The following FAT3 variants were observed in gnomAD, a reference collection of about 807,000 sequenced individuals.
FAT3 encodes FAT atypical cadherin 3.
In FAT3, 95 loss-of-function variants were observed where a neutral mutation model predicts 310.2. The ratio of observed to expected loss-of-function variants is 0.31; its 90% CI spans 0.26 to 0.36. The LOEUF (loss-of-function observed/expected upper bound fraction) is 0.36, where lower values mean the gene tolerates loss of function less well. FAT3 is among the 10% of genes least tolerant of loss of function. The pLI is 1.00. For synonymous variants in FAT3, 2,314 were observed against 2,192.9 expected (o/e 1.06, Z -1.54); for missense variants, 5,408 against 5,715.6 (o/e 0.95, Z 1.74).
intron 2 of FAT3, among the ~76,000 whole-genome samples, chr11:92,408,510 A>G (rs934678528): frequency 3.9e-5 from 6 of 152,196 alleles, no homozygotes; most frequent in African/African-American, 1.4e-4. Flanking sequence ...CCTGGGTTGG[A>G]AGATGACACT....
chr11:92,748,646 G>A (rs1012852340), intron 4 of FAT3: 1 of 152,204 alleles, frequency 6.6e-6, no homozygotes, highest in Non-Finnish European at 1.5e-5. Context: ...GCAGAGACAT[G>A]TGTTGAAGCA....
At chr11:92,764,721 A>G (rs545439636) in intron 5 of FAT3, among the ~76,000 whole-genome samples, 158 bp from the exon 6 acceptor site, 2 of 152,190 alleles carry the variant, frequency 1.3e-5, no homozygotes, top group East Asian at 3.9e-4. Flanking sequence ...GTTCCCCTCC[A>G]TTCCCAAGTC....
At chr11:92,619,990 TC>T in intron 3 of FAT3, among the ~76,000 whole-genome samples, 1 of 152,140 alleles carries the variant, frequency 6.6e-6, no homozygotes, top group East Asian at 1.9e-4. Flanking sequence ...CTATCAGTTT[TC>T]CTCTAAGCAT....
chr11:92,874,598 G>A (rs1949481821), intron 22 of FAT3, among the ~76,000 whole-genome samples: 1 of 152,228 alleles, frequency 6.6e-6, no homozygotes. Flanking sequence ...GAAGTGCAAT[G>A]GCGTGATCTC....
chr11:92,370,806 T>C (rs188111667), intron 2 of FAT3, among the ~76,000 whole-genome samples: 1 of 152,200 alleles, frequency 6.6e-6, no homozygotes, highest in Non-Finnish European at 1.5e-5. Flanking sequence ...GTGATTATGC[T>C]AACTCAAAAT....
At chr11:92,840,801 C>G (rs931343924) in intron 18 of FAT3, 42 bp downstream of exon 18, 1 of 1,475,554 alleles carries the variant, frequency 6.8e-7, no homozygotes, top group Non-Finnish European at 9.1e-7. Context: ...GTCTTTCTTT[C>G]TCATGCTTGT....
intron 3 of FAT3, among the ~76,000 whole-genome samples, chr11:92,557,475 A>G (rs1026970346): frequency 3.9e-5 from 6 of 152,208 alleles, no homozygotes; most frequent in African/African-American, 1.4e-4. Context: ...CATACATTGT[A>G]TCGCCATGTC....
chr11:92,833,708 A>T (rs940793763), intron 14 of FAT3, among the ~76,000 whole-genome samples: 1 of 152,220 alleles, frequency 6.6e-6, no homozygotes, highest in Admixed American at 6.5e-5. Flanking sequence ...GTAACTGTTT[A>T]TTAAGGTCAT....
Position 92,891,032 on chromosome 11 carries a change from T to C in FAT3, c.13689T>C (p.Ser4563=), listed in dbSNP as rs1450292851. The change falls in exon 28 of 28, where the codon AGT becomes AGC. Residue 4563 remains serine, a synonymous_variant. Transcript: ENST00000525166. The part of the protein sequence containing the change: ...CGFDDSEVAM[S]DYESVGELSL... ...TTGACGATTCCGAAGTAGCCATGAG[T>C]GACTACGAGAGCGTGGGAGAGCTCA... is the stretch of plus-strand genomic sequence containing the variant. The C allele has an allele frequency of 6.2e-7, 1 of 1,613,846 alleles. No individual in the cohort carries two copies. Among genetic ancestry groups the C allele is most frequent in the Admixed American group, 1.7e-5 (1 of 60,002 alleles).
At chr11:92,540,649 G>C (rs1954417066) in intron 3 of FAT3, among the ~76,000 whole-genome samples, 1 of 152,116 alleles carries the variant, frequency 6.6e-6, no homozygotes, top group Non-Finnish European at 1.5e-5. Context: ...TACCTTCAAA[G>C]TAGTGTTCAT....
chr11:92,340,028 C>T (rs1332311439), intron 1 of FAT3, among the ~76,000 whole-genome samples: 2 of 143,924 alleles, frequency 1.4e-5, no homozygotes, highest in South Asian at 2.3e-4. Flanking sequence ...AGGAGAATGG[C>T]GTGAACCTGG....
At chr11:92,394,950 AG>A (rs1231995655) in intron 2 of FAT3, among the ~76,000 whole-genome samples, 2 of 152,324 alleles carry the variant, frequency 1.3e-5, no homozygotes, top group Non-Finnish European at 1.5e-5. Context: ...CCATTAAGGC[AG>A]GGATGTCTGT....
chr11:92,788,854 A>G (rs909392084), intron 7 of FAT3, among the ~76,000 whole-genome samples: 2 of 152,188 alleles, frequency 1.3e-5, no homozygotes, highest in African/African-American at 4.8e-5. Flanking sequence ...AATAACAACA[A>G]TAACACCATA....
In FAT3 at chr11:92,798,458, T is replaced by C; in HGVS notation, c.5445T>C (p.Ile1815=). 2 of 1,613,494 alleles carry C rather than the reference T, an allele frequency of 1.2e-6. No homozygotes were observed. The highest frequency in any genetic ancestry group is 2.2e-5 in the South Asian group (2 of 91,034). Residue 1815 remains isoleucine, a synonymous_variant, in exon 10 of 28, where the codon ATT becomes ATC. Coordinates refer to ENST00000525166, the MANE Select transcript of FAT3 (RefSeq NM_001367949.2). ...GGAATGCTCTGCTTGTGTATCAGAT[T>C]GTGGAGTCAACAGCAAAAAAGTTTT... ...SNRNALLVYQ[I]VESTAKKFFT...
At chr11:92,810,539 C>T (rs141972221) in intron 13 of FAT3, among the ~76,000 whole-genome samples, 34 of 152,204 alleles carry the variant, frequency 2.2e-4, no homozygotes, top group Middle Eastern at 3.4e-3. Flanking sequence ...TATAGTGCCC[C>T]GTAGTGCAAA....
At chr11:92,872,129 G>A (rs1251466979) in intron 22 of FAT3, among the ~76,000 whole-genome samples, 1 of 152,208 alleles carries the variant, frequency 6.6e-6, no homozygotes, top group Admixed American at 6.5e-5. Context: ...CTTGGATGTT[G>A]CAAATAGTTT....
intron 3 of FAT3, among the ~76,000 whole-genome samples, chr11:92,600,891 G>T (rs1464082636): frequency 6.6e-6 from 1 of 152,118 alleles, no homozygotes; most frequent in Non-Finnish European, 1.5e-5. Flanking sequence ...GATTTCAGTT[G>T]AAATTGAATG....
In FAT3 at chr11:92,610,051, A is replaced by G. The variant is rs921153384; in HGVS notation, c.3607+85103A>G. Among the ~76,000 whole-genome samples, 9 of 152,240 alleles carry G rather than the reference A, an allele frequency of 5.9e-5. No homozygotes were observed. In the East Asian group the frequency reaches 1.4e-3, roughly 23 times the overall value. On this transcript the variant is annotated intron_variant, in intron 3 of 27. Coordinates refer to ENST00000525166, the MANE Select transcript of FAT3 (RefSeq NM_001367949.2). ...GATTCCTTTTGAGTTTTTTTTCTTC[A>G]TAATACAAACTTAAGTAAGTCGATA...
chr11:92,301,312 G>A (rs1946991530), intron 1 of FAT3, among the ~76,000 whole-genome samples: 1 of 152,104 alleles, frequency 6.6e-6, no homozygotes, highest in Non-Finnish European at 1.5e-5. Flanking sequence ...AAAAAGAAAG[G>A]GCACTACAGT....
Sources: allele counts gnomAD v4.1 joint callset (sites outside exome capture counted in the v4.1 genomes callset), GRCh38; gene constraint gnomAD v4.1.1; transcripts MANE v1.5; gene names NCBI Gene and HGNC (gene_info 2026-07-23, HGNC 2026-07-21).